Variants in MIR2052HG observed in about 807,000 individuals in gnomAD.
MIR2052HG encodes MIR2052 host gene.
chr8:74,651,939 A>G (rs1015036451), intron 2 of MIR2052HG, among the ~76,000 whole-genome samples: 2 of 152,154 alleles, frequency 1.3e-5, no homozygotes, highest in Admixed American at 6.6e-5. Flanking sequence ...AGGCTTTTGT[A>G]CTGAACTGTG....
intron 2 of MIR2052HG, among the ~76,000 whole-genome samples, chr8:74,693,448 G>A (rs914186620): frequency 6.6e-6 from 1 of 152,050 alleles, no homozygotes; most frequent in Non-Finnish European, 1.5e-5. Flanking sequence ...GGGTGAAAGG[G>A]GAGTGCAGAT....
chr8:74,693,050 A>G (rs1353544008), intron 2 of MIR2052HG, among the ~76,000 whole-genome samples: 3 of 152,236 alleles, frequency 2.0e-5, no homozygotes, highest in Non-Finnish European at 4.4e-5. Context: ...GTGAACAAAG[A>G]CATTATAATC....
At chr8:74,617,518 A>G in intron 2 of MIR2052HG, among the ~76,000 whole-genome samples, 1 of 152,056 alleles carries the variant, frequency 6.6e-6, no homozygotes, top group South Asian at 2.1e-4. Context: ...CACACATTTT[A>G]TATAAAAATG....
At chr8:74,668,857 G>A (rs565229501) in intron 2 of MIR2052HG, among the ~76,000 whole-genome samples, 10 of 152,228 alleles carry the variant, frequency 6.6e-5, no homozygotes, top group African/African-American at 1.7e-4. Flanking sequence ...GAAGACTTGC[G>A]GAAGCTCATT....
chr8:74,652,575 T>C (rs1808764310), intron 2 of MIR2052HG, among the ~76,000 whole-genome samples: 1 of 152,162 alleles, frequency 6.6e-6, no homozygotes, highest in Non-Finnish European at 1.5e-5. Flanking sequence ...CCTTGAAAAA[T>C]GATTTAATGG....
intron 4 of MIR2052HG, among the ~76,000 whole-genome samples, chr8:74,738,129 G>C (rs5025119): frequency 0.099 from 8,061 of 81,806 alleles, 518 homozygotes; most frequent in African/African-American, 0.19. Context: ...ATGTATGTAT[G>C]TATGTATCTA....
chr8:74,663,379 A>T (rs560583828), intron 2 of MIR2052HG, among the ~76,000 whole-genome samples: 2 of 152,302 alleles, frequency 1.3e-5, no homozygotes, highest in African/African-American at 4.8e-5. Flanking sequence ...CGTGTTTTGA[A>T]TTGTTTGCTG....
At chr8:74,699,292 A>C (rs1809333297) in intron 2 of MIR2052HG, among the ~76,000 whole-genome samples, 1 of 152,098 alleles carries the variant, frequency 6.6e-6, no homozygotes, top group Admixed American at 6.6e-5. Flanking sequence ...CATCATACGA[A>C]AAAGATACTT....
intron 2 of MIR2052HG, among the ~76,000 whole-genome samples, chr8:74,665,785 T>C (rs1000104354): frequency 6.6e-6 from 1 of 152,218 alleles, no homozygotes; most frequent in African/African-American, 2.4e-5. Context: ...ATAATTCTCA[T>C]GTGTCCTTGG....
chr8:74,630,940 A>G (rs1214942570), intron 2 of MIR2052HG, among the ~76,000 whole-genome samples: 2 of 152,308 alleles, frequency 1.3e-5, no homozygotes, highest in South Asian at 2.1e-4. Flanking sequence ...CCAGCTTCAT[A>G]TATTTATTGA....
intron 3 of MIR2052HG, among the ~76,000 whole-genome samples, chr8:74,703,051 A>G (rs570133461): frequency 5.9e-5 from 9 of 152,120 alleles, no homozygotes; most frequent in Non-Finnish European, 5.9e-5. Context: ...CCTAATGTCA[A>G]TGGGGTGGAA....
intron 2 of MIR2052HG, among the ~76,000 whole-genome samples, chr8:74,658,824 T>C (rs1387328893): frequency 6.6e-6 from 1 of 152,190 alleles, no homozygotes; most frequent in Non-Finnish European, 1.5e-5. Flanking sequence ...CTGTAAAGCA[T>C]CTTATTTTAT....
At chr8:74,604,301 G>A (rs796197572) in intron 1 of MIR2052HG, 6 of 714,238 alleles carry the variant, frequency 8.4e-6, no homozygotes, top group African/African-American at 5.3e-5. Flanking sequence ...GGTCACTGAT[G>A]GGGGGTGAAA....
chr8:74,607,478 G>C (rs940438893), intron 1 of MIR2052HG, among the ~76,000 whole-genome samples: 4 of 152,240 alleles, frequency 2.6e-5, no homozygotes, highest in East Asian at 1.9e-4. Context: ...CGGGCGTGGT[G>C]GTGGGTGCCT....
chr8:74,630,446 G>A (rs1808493079), intron 2 of MIR2052HG, among the ~76,000 whole-genome samples: 1 of 150,444 alleles, frequency 6.6e-6, no homozygotes, highest in Admixed American at 6.6e-5. Context: ...AAATGGTTAA[G>A]AGGGCTATCT....
intron 1 of MIR2052HG, chr8:74,603,415 G>T (rs1464153882): frequency 6.2e-7 from 1 of 1,609,318 alleles, no homozygotes; most frequent in African/African-American, 1.3e-5. Flanking sequence ...CACTGGGTTC[G>T]CAATTTTGAT....
intron 2 of MIR2052HG, among the ~76,000 whole-genome samples, chr8:74,651,555 T>G (rs1415553004): frequency 6.6e-6 from 1 of 152,148 alleles, no homozygotes; most frequent in East Asian, 1.9e-4. Flanking sequence ...TACAATTTAG[T>G]GGAGAAGACA....
At chr8:74,667,903 T>G (rs1808948615) in intron 2 of MIR2052HG, among the ~76,000 whole-genome samples, 1 of 152,108 alleles carries the variant, frequency 6.6e-6, no homozygotes, top group African/African-American at 2.4e-5. Context: ...TTTGGTTTAT[T>G]TTGTGATTGG....
In MIR2052HG at chr8:74,601,334, T is replaced by A. The variant is rs16938926; in HGVS notation, n.128+1426T>A. On this transcript the variant is annotated intron_variant and non_coding_transcript_variant, in intron 1 of 6. Coordinates refer to ENST00000523442, the Ensembl canonical transcript of MIR2052HG. Reference sequence around the variant, plus strand: ...TTCTTCTTGTTCTCATTTTGGTGTCTTTGTTCATGCTATTCTGTATAAGAG... The same window carrying A: ...TTCTTCTTGTTCTCATTTTGGTGTCATTGTTCATGCTATTCTGTATAAGAG... Among the ~76,000 whole-genome samples the A allele has an allele frequency of 7.6e-3, 1,164 of 152,338 alleles. 19 individuals carry two copies. The highest frequency in any genetic ancestry group is 0.026 in the African/African-American group (1,100 of 41,572).
Sources: allele counts gnomAD v4.1 joint callset (sites outside exome capture counted in the v4.1 genomes callset), GRCh38; gene constraint gnomAD v4.1.1; transcripts MANE v1.5; gene names NCBI Gene and HGNC (gene_info 2026-07-23, HGNC 2026-07-21).